The following ZFHX3 variants were observed in gnomAD, a reference collection of about 807,000 sequenced individuals.
ZFHX3 encodes the protein zinc finger homeobox 3, also known as zinc finger homeobox protein 3.
A neutral mutation model predicts 279.1 loss-of-function variants in ZFHX3; 42 were observed. The observed-to-expected ratio is 0.15, with a 90% CI of 0.12 to 0.19. The LOEUF (loss-of-function observed/expected upper bound fraction) is 0.19. ZFHX3 is among the 10% of genes least tolerant of loss of function. The pLI is 1.00. For synonymous variants in ZFHX3, 2,293 were observed against 1,957.8 expected (o/e 1.17, Z -4.52); for missense variants, 4,981 against 4,754.0 (o/e 1.05, Z -1.40).
At chr16:73,582,658 A>C (rs11865515) in intron 2 of ZFHX3, among the ~76,000 whole-genome samples, 2,841 of 151,802 alleles carry the variant, frequency 0.019, 170 homozygotes, top group African/African-American at 0.065. Context: ...GTATTTTTTC[A>C]GAAGAGACAG....
At chr16:73,675,488 T>G (rs2052945200) in intron 2 of ZFHX3, among the ~76,000 whole-genome samples, 1 of 152,120 alleles carries the variant, frequency 6.6e-6, no homozygotes. Context: ...TAGAATGTGT[T>G]GGGCTCTGTA....
chr16:73,687,858 A>AT (rs2053106593), intron 1 of ZFHX3, among the ~76,000 whole-genome samples: 1 of 150,804 alleles, frequency 6.6e-6, no homozygotes, highest in South Asian at 2.1e-4. Context: ...AAAAAAAAAA[A>AT]AAAAAAAAAA....
At chr16:73,351,055 C>T (rs889945178) in intron 3 of ZFHX3, among the ~76,000 whole-genome samples, 6 of 152,080 alleles carry the variant, frequency 3.9e-5, no homozygotes, top group African/African-American at 7.2e-5. Flanking sequence ...TGGCATTTGG[C>T]GTTAACTGTC....
intron 1 of ZFHX3, among the ~76,000 whole-genome samples, chr16:72,960,999 C>T (rs1041896255): frequency 6.6e-6 from 1 of 151,874 alleles, no homozygotes; most frequent in Non-Finnish European, 1.5e-5. Context: ...CCATACCAGT[C>T]AAGCTCCCTG....
chr16:73,603,847 C>T (rs1389716034), intron 2 of ZFHX3, among the ~76,000 whole-genome samples: 2 of 138,290 alleles, frequency 1.4e-5, no homozygotes, highest in Admixed American at 1.5e-4. Flanking sequence ...GGCATGATAT[C>T]GGCTCACTGC....
chr16:73,103,474 G>C (rs1030991191), intron 7 of ZFHX3, among the ~76,000 whole-genome samples: 3 of 152,154 alleles, frequency 2.0e-5, no homozygotes, highest in Admixed American at 2.0e-4. Flanking sequence ...ACAGAAAGAT[G>C]CTTGGCGAGA....
intron 1 of ZFHX3, among the ~76,000 whole-genome samples, chr16:72,991,051 GT>G (rs1963070516): frequency 6.7e-6 from 1 of 148,660 alleles, no homozygotes; most frequent in African/African-American, 2.5e-5. Flanking sequence ...ACACAGCATA[GT>G]ATGTACTGTA....
chr16:72,871,720 G>A (rs544886825), intron 4 of ZFHX3, among the ~76,000 whole-genome samples: 50 of 150,988 alleles, frequency 3.3e-4, no homozygotes, highest in Non-Finnish European at 2.5e-4. Context: ...CATGTGATCC[G>A]CCCGCCTCAG....
Position 73,755,602 on chromosome 16 carries a change from C to A in ZFHX3, c.-1607-75362G>T, listed in dbSNP as rs147699042. Among the ~76,000 whole-genome samples the A allele has an allele frequency of 2.0e-5, 3 of 152,236 alleles. No individual in the cohort carries two copies. The East Asian group carries it at 5.8e-4, about 29-fold the overall frequency. ...TTATAACAAGATTCAGTAGGATGGT[C>A]TGTGAAGTTTAGGAATCCTGCAGGC... On this transcript the variant is annotated intron_variant, in intron 1 of 17. Coordinates refer to the ZFHX3 transcript ENST00000641206.
At chr16:73,801,411 G>A (rs1275766145) in intron 1 of ZFHX3, among the ~76,000 whole-genome samples, 8 of 152,098 alleles carry the variant, frequency 5.3e-5, no homozygotes, top group Non-Finnish European at 1.0e-4. Flanking sequence ...ACATGAAGGC[G>A]GTGTTCAATC....
intron 1 of ZFHX3, among the ~76,000 whole-genome samples, chr16:72,971,772 G>T (rs1007957617): frequency 3.3e-5 from 5 of 151,850 alleles, no homozygotes; most frequent in Non-Finnish European, 7.4e-5. Flanking sequence ...CCGTTTGACA[G>T]GCAAGAAATG....
At chr16:73,008,938 GTA>G (rs983159284) in intron 1 of ZFHX3, among the ~76,000 whole-genome samples, 2 of 141,946 alleles carry the variant, frequency 1.4e-5, no homozygotes, top group Admixed American at 7.1e-5. Flanking sequence ...GTGTGTGTGT[GTA>G]TGTGTGTATA....
chr16:73,784,628 C>A (rs903919268), intron 1 of ZFHX3, among the ~76,000 whole-genome samples: 3 of 151,336 alleles, frequency 2.0e-5, no homozygotes, highest in African/African-American at 7.3e-5. Context: ...GTGCCTGTAG[C>A]CCCAGCTACT....
At chr16:72,930,845 A>C (rs994554163) in intron 3 of ZFHX3, among the ~76,000 whole-genome samples, 2 of 152,232 alleles carry the variant, frequency 1.3e-5, no homozygotes, top group Non-Finnish European at 2.9e-5. Flanking sequence ...GACAGTCATA[A>C]AATGTAAAAT....
intron 1 of ZFHX3, among the ~76,000 whole-genome samples, chr16:73,058,316 C>G (rs540799739): frequency 6.9e-6 from 1 of 144,788 alleles, no homozygotes; most frequent in Non-Finnish European, 1.5e-5. Context: ...AGGGGGAAGG[C>G]GAGCGGGACG....
At chr16:73,716,828 C>G (rs1354324453) in intron 1 of ZFHX3, among the ~76,000 whole-genome samples, 1 of 152,030 alleles carries the variant, frequency 6.6e-6, no homozygotes, top group Non-Finnish European at 1.5e-5. Context: ...ACAGAGATGC[C>G]TCACCGTCCC....
At chr16:73,419,541 G>A (rs541181530) in intron 3 of ZFHX3, among the ~76,000 whole-genome samples, 10 of 151,962 alleles carry the variant, frequency 6.6e-5, no homozygotes, top group Admixed American at 2.0e-4. Context: ...AGCTATTTAC[G>A]TAAGGCTGGG....
intron 3 of ZFHX3, among the ~76,000 whole-genome samples, chr16:73,373,534 C>G (rs978431959): frequency 3.9e-5 from 6 of 152,200 alleles, no homozygotes; most frequent in African/African-American, 1.4e-4. Flanking sequence ...CTGTCCCCTT[C>G]CAGTTCAACT....
intron 3 of ZFHX3, among the ~76,000 whole-genome samples, chr16:72,922,633 T>C (rs1403532513): frequency 6.6e-6 from 1 of 152,144 alleles, no homozygotes; most frequent in Non-Finnish European, 1.5e-5. Context: ...CCTACAGCCT[T>C]ATGGAACGAC....
Sources: gnomAD v4.1 joint callset for allele counts (sites outside exome capture counted in the v4.1 genomes callset) on GRCh38, gnomAD v4.1.1 for gene constraint, MANE v1.5 for transcripts, NCBI Gene and HGNC (gene_info 2026-07-23, HGNC 2026-07-21) for gene names.